The following VTCN1 variants were observed in gnomAD, a reference collection of about 807,000 sequenced individuals.
VTCN1 encodes the protein V-set domain-containing T-cell activation inhibitor 1.
VTCN1 carries 26 observed loss-of-function variants against 26.5 expected under a neutral mutation model. The ratio of observed to expected loss-of-function variants is 0.98; its 90% CI spans 0.72 to 1.36. The LOEUF is 1.36. Among genes scored for constraint, VTCN1 ranks in the 40% most tolerant of loss-of-function variants. The pLI is 0.00. For synonymous variants in VTCN1, 116 were observed against 130.7 expected (o/e 0.89, Z 0.77); for missense variants, 298 against 337.7 (o/e 0.88, Z 0.92).
chr1:117,182,000 C>T (rs1273071619), intron 1 of VTCN1, among the ~76,000 whole-genome samples: 3 of 152,160 alleles, frequency 2.0e-5, no homozygotes, highest in Admixed American at 2.0e-4. Flanking sequence ...TTCAGGAAAC[C>T]TGTGCCTGTC....
intron 1 of VTCN1, among the ~76,000 whole-genome samples, chr1:117,196,067 A>G (rs1228802552): frequency 6.6e-6 from 1 of 152,164 alleles, no homozygotes; most frequent in African/African-American, 2.4e-5. Flanking sequence ...TGGGAGGATC[A>G]CTTGATCCTG....
At chr1:117,202,076 C>T (rs1570992996) in intron 1 of VTCN1, among the ~76,000 whole-genome samples, 1 of 152,208 alleles carries the variant, frequency 6.6e-6, no homozygotes, top group Non-Finnish European at 1.5e-5. Context: ...ACAGTACCTG[C>T]TATTACATGA....
At chr1:117,204,642 G>A (rs144546891) in intron 1 of VTCN1, among the ~76,000 whole-genome samples, 2,001 of 152,126 alleles carry the variant, frequency 0.013, 49 homozygotes, top group African/African-American at 0.046. Flanking sequence ...CGAGGTGGGT[G>A]GATCATGAGG....
rs1651575811 is a variant in VTCN1 at position 117,147,569 on chromosome 1, C to T, written c.*45+44G>A. The T allele has an allele frequency of 9.2e-6, 14 of 1,520,094 alleles. No homozygotes were observed. The South Asian group carries it at 1.6e-4, about 18-fold the overall frequency. 94.2% of individuals were successfully genotyped at this position (1,520,094 alleles called of 1,614,324 possible). A position where few individuals can be genotyped will look rare whatever the true frequency, so the allele number is the denominator to read the frequency against. On this transcript the variant is annotated intron_variant, in intron 5 of 5. Transcript: ENST00000369458. The surrounding 1 kb of genome is among the most constrained non-coding windows in gnomAD (Gnocchi z 4.6). ...ATCCGACTCTCATTAGGAGCACAAGCACCCACAGAACCAATATCCCACACT... is the reference window on the plus strand; with the variant it reads ...ATCCGACTCTCATTAGGAGCACAAGTACCCACAGAACCAATATCCCACACT...
At chr1:117,162,553 C>A (rs887510082) in intron 2 of VTCN1, among the ~76,000 whole-genome samples, 1 of 152,098 alleles carries the variant, frequency 6.6e-6, no homozygotes, top group Non-Finnish European at 1.5e-5. Flanking sequence ...AGGCAGGTAC[C>A]TATTGATAGA....
rs115724550 is a variant in VTCN1, at chr1:117,181,763, G to A, written c.33-11592C>T. 1.8e-3 allele frequency among the ~76,000 whole-genome samples: 267 copies of A among 152,324 alleles called. 1 individual carries two copies. The highest frequency in any genetic ancestry group is 3.2e-3 in the Non-Finnish European group (219 of 68,022). The stretch of plus-strand genomic sequence containing the variant: ...GGGAACTAGGCCCCAAAAGAGCTGA[G>A]AGGAAGAACAGGGCAGGCTCCCTGT... On this transcript the variant is annotated intron_variant, in intron 1 of 5. Coordinates refer to ENST00000369458, the MANE Select transcript of VTCN1 (RefSeq NM_024626.4).
intron 1 of VTCN1, among the ~76,000 whole-genome samples, chr1:117,209,474 TCA>T (rs1649254380): frequency 6.6e-6 from 1 of 152,144 alleles, no homozygotes; most frequent in Non-Finnish European, 1.5e-5. Context: ...ATGCACAGTT[TCA>T]CAGTCATCTG....
rs546421587 is a variant in VTCN1 at position 117,155,054 on chromosome 1, T to G, written c.445+1520A>C. Among the ~76,000 whole-genome samples the G allele has an allele frequency of 6.6e-6, 1 of 152,316 alleles. No homozygotes were observed. Among genetic ancestry groups the G allele is most frequent in the African/African-American group, 2.4e-5 (1 of 41,574 alleles). ...TTTGAGGAGTACTGGTTAGGTATTT[T>G]GAGGAGTACCGGTTAGGTATTTTCC... On this transcript the variant is annotated intron_variant, in intron 3 of 5. Coordinates refer to ENST00000369458, the MANE Select transcript of VTCN1 (RefSeq NM_024626.4). This position sits in a 1 kb window ranked among gnomAD's most constrained non-coding sequence, Gnocchi z 4.8.
intron 1 of VTCN1, among the ~76,000 whole-genome samples, chr1:117,182,768 C>G (rs1647734786): frequency 6.6e-6 from 1 of 152,182 alleles, no homozygotes; most frequent in Non-Finnish European, 1.5e-5. Flanking sequence ...TCTTTTCTCT[C>G]TGGTCCAGCC....
chr1:117,178,057 C>G (rs1647459589), intron 1 of VTCN1, among the ~76,000 whole-genome samples: 1 of 150,430 alleles, frequency 6.6e-6, no homozygotes, highest in Admixed American at 6.6e-5. Context: ...TTCCACCACA[C>G]CTCCCCCAAG....
intron 3 of VTCN1, among the ~76,000 whole-genome samples, chr1:117,154,208 C>T (rs1207897943): frequency 6.6e-6 from 1 of 152,142 alleles, no homozygotes; most frequent in Admixed American, 6.5e-5. Context: ...AGGCAGGGAA[C>T]ACGCTCTTGG....
At position 117,170,007 on chromosome 1, in the gene VTCN1, T is replaced by A. The variant is rs6684046; in HGVS notation, c.97+100A>T. On this transcript the variant is annotated intron_variant, in intron 2 of 5. Coordinates refer to ENST00000369458, the MANE Select transcript of VTCN1 (RefSeq NM_024626.4). Reference sequence around the variant, plus strand: ...ATGAATGCTATACTCTGAGGTTTTCTGGGTCAAAGCTCTGGGCTCTTTCCA... The same window carrying A: ...ATGAATGCTATACTCTGAGGTTTTCAGGGTCAAAGCTCTGGGCTCTTTCCA... 46,568 of 1,148,540 alleles carry A rather than the reference T, an allele frequency of 0.041. 6,341 individuals are homozygous for A. The African/African-American group carries it at 0.42, about 10-fold the overall frequency. 71.1% of individuals were successfully genotyped at this position (1,148,540 alleles called of 1,614,324 possible). A position where few individuals can be genotyped will look rare whatever the true frequency, so the allele number is the denominator to read the frequency against.
At chr1:117,148,673 C>A (rs73008018) in intron 4 of VTCN1, among the ~76,000 whole-genome samples, 5,033 of 152,208 alleles carry the variant, frequency 0.033, 198 homozygotes, top group African/African-American at 0.089. Flanking sequence ...TATTGGGGTT[C>A]AAAGAAGTCC....
At chr1:117,150,911 C>T (rs73008025) in intron 4 of VTCN1, among the ~76,000 whole-genome samples, 4,431 of 152,232 alleles carry the variant, frequency 0.029, 231 homozygotes, top group African/African-American at 0.1. Context: ...AGATAATGTC[C>T]TGAAAGTTCA....
chr1:117,158,977 C>T (rs1652232377), intron 2 of VTCN1, among the ~76,000 whole-genome samples: 1 of 152,192 alleles, frequency 6.6e-6, no homozygotes, highest in Non-Finnish European at 1.5e-5. Flanking sequence ...TTCCTCATCT[C>T]CATCTGAGAC....
intron 1 of VTCN1, among the ~76,000 whole-genome samples, chr1:117,177,362 C>T (rs753739317): frequency 2.5e-4 from 38 of 152,074 alleles, no homozygotes; most frequent in South Asian, 1.5e-3. Flanking sequence ...GTTTCCTGGC[C>T]TCTACCCCTC....
intron 1 of VTCN1, among the ~76,000 whole-genome samples, chr1:117,189,181 T>C (rs1289348433): frequency 6.6e-6 from 1 of 152,172 alleles, no homozygotes; most frequent in Non-Finnish European, 1.5e-5. Flanking sequence ...AACTTTCCCT[T>C]TCCTAGAATT....
chr1:117,150,518 C>T (rs1324057849), intron 4 of VTCN1, among the ~76,000 whole-genome samples: 1 of 152,158 alleles, frequency 6.6e-6, no homozygotes, highest in Non-Finnish European at 1.5e-5. Flanking sequence ...CTGTTACAGG[C>T]AACTAATAAT....
chr1:117,206,019 T>G (rs1158604999), intron 1 of VTCN1, among the ~76,000 whole-genome samples: 1 of 152,192 alleles, frequency 6.6e-6, no homozygotes, highest in African/African-American at 2.4e-5. Context: ...CCACCAACTT[T>G]TAATGCTCTA....
Sources: allele counts gnomAD v4.1 joint callset (sites outside exome capture counted in the v4.1 genomes callset), GRCh38; gene constraint gnomAD v4.1.1; non-coding constraint Gnocchi (gnomAD v3.1); transcripts MANE v1.5; gene names NCBI Gene and HGNC (gene_info 2026-07-23, HGNC 2026-07-21).